The following NEMF variants were observed in gnomAD, a reference collection of about 807,000 sequenced individuals.
NEMF encodes nuclear export mediator factor, also known as ribosome quality control complex subunit NEMF.
A neutral mutation model predicts 162.2 loss-of-function variants in NEMF; 89 were observed. The observed-to-expected ratio is 0.55, with a 90% CI of 0.46 to 0.65. The LOEUF (loss-of-function observed/expected upper bound fraction) is 0.65. NEMF is among the 30% of genes least tolerant of loss of function. The probability of loss-of-function intolerance (pLI) is 0.00; values close to 1 mark genes in which losing one functional copy is unlikely to be tolerated. For synonymous variants in NEMF, 421 were observed against 404.5 expected (o/e 1.04, Z -0.49); for missense variants, 1,133 against 1,261.9 (o/e 0.90, Z 1.55).
intron 18 of NEMF, among the ~76,000 whole-genome samples, chr14:49,812,793 T>C (rs1222894078): frequency 6.6e-6 from 1 of 152,170 alleles, no homozygotes; most frequent in Non-Finnish European, 1.5e-5. Flanking sequence ...TTTAAATGTA[T>C]TGAGGCTTTT....
At chr14:49,786,692 G>C (rs1306775322) in intron 29 of NEMF, 26 bp downstream of exon 29, 1 of 1,600,828 alleles carries the variant, frequency 6.2e-7, no homozygotes, top group Admixed American at 1.7e-5. Context: ...CAGTGTTGTA[G>C]TAGGAACCCC....
chr14:49,826,123 A>C (rs1200093521), intron 15 of NEMF, among the ~76,000 whole-genome samples, 168 bp from the exon 16 acceptor site: 1 of 152,148 alleles, frequency 6.6e-6, no homozygotes, highest in Non-Finnish European at 1.5e-5. Flanking sequence ...AGTAATGAAG[A>C]AATGAAAATA....
rs113838495 is a variant in NEMF, at chr14:49,782,273, A to G, written c.*2363T>C. 455 of 748,958 alleles carry G rather than the reference A, an allele frequency of 6.1e-4. 1 individual carries two copies. In the African/African-American group the frequency reaches 6.8e-3, roughly 11 times the overall value. The allele number at this position is 748,958 out of a possible 1,614,324, so 46.4% of individuals were successfully genotyped here. A position where few individuals can be genotyped will look rare whatever the true frequency, so the allele number is the denominator to read the frequency against. ...ATGATGTTTTGGTCTGAACTACCTT[A>G]AGATCGCTAGTCTTTATTTCATAGC... On this transcript the variant is annotated 3_prime_UTR_variant, in exon 33 of 33. Coordinates refer to ENST00000298310, the MANE Select transcript of NEMF (RefSeq NM_004713.6).
At chr14:49,819,635 A>G (rs1265325016) in intron 16 of NEMF, among the ~76,000 whole-genome samples, 2 of 152,138 alleles carry the variant, frequency 1.3e-5, no homozygotes, top group African/African-American at 4.8e-5. Context: ...GCTGGTCTCG[A>G]ACTCCTCACC....
chr14:49,832,966 T>G (rs1892717143), intron 8 of NEMF, among the ~76,000 whole-genome samples: 1 of 152,106 alleles, frequency 6.6e-6, no homozygotes, highest in Non-Finnish European at 1.5e-5. Context: ...CAACAAAAAC[T>G]TTTAAAACAC....
chr14:49,852,579 T>C, intron 1 of NEMF, 116 bp downstream of exon 1: 1 of 1,138,700 alleles, frequency 8.8e-7, no homozygotes, highest in Non-Finnish European at 1.3e-6. Flanking sequence ...CCTAGGCAGG[T>C]CCATAGACGC....
At position 49,806,149 on chromosome 14, in the gene NEMF, A is replaced by G; in HGVS notation, c.1745-16T>C. 1 of 1,583,058 alleles carries G rather than the reference A, an allele frequency of 6.3e-7. No individual in the cohort carries two copies. Among genetic ancestry groups the G allele is most frequent in the Non-Finnish European group, 8.6e-7 (1 of 1,158,552 alleles). ...ATGGGTTCTCCTAGAATAACAATGC[A>G]TAATGTTTCAATACCAAAGTATGGA... On this transcript the variant is annotated splice_polypyrimidine_tract_variant and intron_variant, in intron 18 of 32. Transcript: ENST00000298310.
intron 26 of NEMF, among the ~76,000 whole-genome samples, chr14:49,793,882 G>T (rs1890566345): frequency 6.7e-6 from 1 of 148,442 alleles, no homozygotes; most frequent in South Asian, 2.2e-4. Context: ...AATTCCCCAG[G>T]TTTACACAGC....
chr14:49,784,521 C>T lies in NEMF; in HGVS notation c.*115G>A, dbSNP rs1158996007. The T allele has an allele frequency of 1.4e-6, 1 of 701,378 alleles. No individual in the cohort carries two copies. The highest frequency in any genetic ancestry group is 2.4e-6 in the Non-Finnish European group (1 of 412,238). The allele number at this position is 701,378 out of a possible 1,614,324, so 43.4% of individuals were successfully genotyped here. A position where few individuals can be genotyped will look rare whatever the true frequency, so the allele number is the denominator to read the frequency against. On this transcript the variant is annotated 3_prime_UTR_variant, in exon 33 of 33. Transcript: ENST00000298310. ...AGTCCTTTTGGTGAATATAGCAAGGCAATGTTTAGTTCATTTTTATAATGC... is the reference window on the plus strand; with the variant it reads ...AGTCCTTTTGGTGAATATAGCAAGGTAATGTTTAGTTCATTTTTATAATGC...
chr14:49,827,876 G>A (rs1026029134), intron 15 of NEMF, among the ~76,000 whole-genome samples: 17 of 151,998 alleles, frequency 1.1e-4, no homozygotes, highest in Non-Finnish European at 1.9e-4. Context: ...GAAAAGAGGA[G>A]GAGGAGAGAG....
Position 49,828,489 on chromosome 14 carries a change from A to T in NEMF, c.1424+127T>A, listed in dbSNP as rs1048053807. 4.9e-6 allele frequency: 5 copies of T among 1,011,608 alleles called. No individual in the cohort carries two copies. In the East Asian group the frequency reaches 1.1e-4, roughly 22 times the overall value. The allele number at this position is 1,011,608 out of a possible 1,614,324, so 62.7% of individuals were successfully genotyped here. On this transcript the variant is annotated intron_variant, in intron 14 of 32. Coordinates refer to ENST00000298310, the MANE Select transcript of NEMF (RefSeq NM_004713.6). ...CTGTATAATTAACAAAACTAAATTT[A>T]AAAAAGTATTTTCACCCAAAAAAAG...
intron 3 of NEMF, among the ~76,000 whole-genome samples, chr14:49,848,128 A>G (rs1313878542): frequency 6.6e-6 from 1 of 152,036 alleles, no homozygotes; most frequent in Non-Finnish European, 1.5e-5. Context: ...TAGCCTCCCA[A>G]GTAGCTAGGA....
Position 49,803,270 on chromosome 14 carries a change from C to G in NEMF, c.1882G>C (p.Glu628Gln), listed in dbSNP as rs533823333. 6.2e-7 allele frequency: 1 copy of G among 1,610,274 alleles called. No individual in the cohort carries two copies. The highest frequency in any genetic ancestry group is 2.2e-5 in the East Asian group (1 of 44,736). ...HQVSKTAPTG[E>Q]YLTTGSFMIR... ...ATGAAGCTTCCTGTTGTCAAATATT[C>G]TCCAGTTGGTGCTGTTTTAGATACC... is the stretch of plus-strand genomic sequence containing the variant. The change falls in exon 20 of 33, where the codon GAA (glutamate) becomes CAA (glutamine). Residue 628 changes from glutamate (E) to glutamine (Q), a missense_variant. Transcript: ENST00000298310.
chr14:49,789,545 T>A lies in NEMF; in HGVS notation c.2648A>T (p.Tyr883Phe). 1 of 1,611,182 alleles carries A rather than the reference T, an allele frequency of 6.2e-7. No individual in the cohort carries two copies. The highest frequency in any genetic ancestry group is 8.5e-7 in the Non-Finnish European group (1 of 1,179,346). ...KSKMKKMKEK[Y>F]KDQDEEDREL... ...ACGGTCTTCTTCATCCTGGTCTTTG[T>A]ATTTTTCTTTCATTTTTTTCATTTT... The change falls in exon 27 of 33, where the codon TAC (tyrosine) becomes TTC (phenylalanine). Residue 883 changes from tyrosine to phenylalanine, a missense_variant. Around this residue, in one of 3 missense-constraint regions of NEMF, gnomAD observed 532 missense variants for 578.6 expected, o/e 0.92. Transcript: ENST00000298310.
chr14:49,846,046 G>GA (rs1411020119), intron 4 of NEMF, 94 bp downstream of exon 4: 78 of 1,080,148 alleles, frequency 7.2e-5, no homozygotes, highest in South Asian at 6.6e-4. Flanking sequence ...CTTTGACACA[G>GA]AAAAAAAATG....
intron 7 of NEMF, 51 bp from the exon 8 acceptor site, chr14:49,833,547 T>C: frequency 2.5e-6 from 3 of 1,202,122 alleles, no homozygotes; most frequent in Non-Finnish European, 3.6e-6. Context: ...AAGTGTCAAT[T>C]AACCGTGGCT....
rs1283960236 is a variant in NEMF at position 49,793,735 on chromosome 14, A to G, written c.2619+2056T>C. Among the ~76,000 whole-genome samples, 3 of 151,890 alleles carry G rather than the reference A, an allele frequency of 2.0e-5. No individual in the cohort carries two copies. The East Asian group carries it at 5.8e-4, about 29-fold the overall frequency. On this transcript the variant is annotated intron_variant, in intron 26 of 32. Coordinates refer to ENST00000298310, the MANE Select transcript of NEMF (RefSeq NM_004713.6). ...TCAACGTCCTCGTTGCGTACCCATA[A>G]TTTTTTTTAGGATAAATTCCTATAA... is the stretch of plus-strand genomic sequence containing the variant.
chr14:49,784,668 C>T lies in NEMF; in HGVS notation c.3199G>A (p.Ala1067Thr), dbSNP rs879309624. Residue 1067 changes from alanine (A) to threonine (T), a missense_variant, in exon 33 of 33, where the codon GCA (alanine) becomes ACA (threonine). Coordinates refer to ENST00000298310, the MANE Select transcript of NEMF (RefSeq NM_004713.6). ...CTTTTTACGTTCAGAAGATTGGGTG[C>T]AGACACTTTCACTTTGCCAGGAATG... ...RNIPGKVKVS[A>T]PNLLNVKRK The T allele has an allele frequency of 5.0e-6, 8 of 1,611,976 alleles. No individual in the cohort carries two copies. Among genetic ancestry groups the T allele is most frequent in the Non-Finnish European group, 6.8e-6 (8 of 1,179,004 alleles).
intron 4 of NEMF, among the ~76,000 whole-genome samples, chr14:49,843,032 A>G (rs1173989090): frequency 1.3e-5 from 2 of 152,096 alleles, no homozygotes; most frequent in Non-Finnish European, 2.9e-5. Context: ...AAAAAAAAAG[A>G]AAGAGTAAAA....
Sources: gnomAD v4.1 joint callset for allele counts (sites outside exome capture counted in the v4.1 genomes callset) on GRCh38, gnomAD v4.1.1 for gene constraint, gnomAD v4.1.1 regional missense constraint, MANE v1.5 for transcripts, NCBI Gene and HGNC (gene_info 2026-07-23, HGNC 2026-07-21) for gene names.